The following SHISA9 variants were observed in gnomAD, a reference collection of about 807,000 sequenced individuals.
The protein encoded by SHISA9 is shisa family member 9, also known as protein shisa-9.
SHISA9 carries 13 observed loss-of-function variants against 38.0 expected under a neutral mutation model. The observed-to-expected ratio is 0.34, with a 90% CI of 0.22 to 0.54. SHISA9 has a LOEUF of 0.54. Ranked by LOEUF, SHISA9 falls within the 20% of genes least tolerant of loss-of-function variation. The pLI is 0.91. For synonymous variants in SHISA9, 275 were observed against 242.0 expected (o/e 1.14, Z -1.27); for missense variants, 538 against 575.8 (o/e 0.93, Z 0.67).
chr16:13,080,708 C>T (rs1596634535), intron 2 of SHISA9, among the ~76,000 whole-genome samples: 1 of 152,226 alleles, frequency 6.6e-6, no homozygotes, highest in Non-Finnish European at 1.5e-5. Context: ...TAATGCCCAA[C>T]TTTTGCTGGC....
At chr16:13,352,462 G>A in the SHISA9 span, among the ~76,000 whole-genome samples, 2 of 152,238 alleles carry the variant, frequency 1.3e-5, no homozygotes, top group African/African-American at 2.4e-5. Context: ...AGTGGTTGCC[G>A]TAGGGAGATG....
At chr16:13,068,841 T>A (rs568134454) in intron 2 of SHISA9, among the ~76,000 whole-genome samples, 1 of 151,590 alleles carries the variant, frequency 6.6e-6, no homozygotes, top group East Asian at 1.9e-4. Flanking sequence ...TATGCATGTA[T>A]GTGTATATAT....
intron 2 of SHISA9, among the ~76,000 whole-genome samples, chr16:12,939,968 A>G (rs745894286): frequency 3.3e-5 from 5 of 152,242 alleles, no homozygotes; most frequent in African/African-American, 4.8e-5. Flanking sequence ...TCCTGAGGCC[A>G]TATTTTCAGG....
At chr16:13,022,264 A>C (rs1224041048) in intron 2 of SHISA9, among the ~76,000 whole-genome samples, 1 of 150,460 alleles carries the variant, frequency 6.6e-6, no homozygotes, top group Non-Finnish European at 1.5e-5. Context: ...CCATCCTCTC[A>C]CCTCAGCCTC....
intron 2 of SHISA9, among the ~76,000 whole-genome samples, chr16:12,941,185 C>T (rs866446162): frequency 3.3e-5 from 5 of 152,010 alleles, no homozygotes; most frequent in African/African-American, 1.2e-4. Flanking sequence ...AATGCTGTCT[C>T]CACTAAAAAT....
chr16:13,391,916 G>T, the SHISA9 span, among the ~76,000 whole-genome samples: 1 of 152,172 alleles, frequency 6.6e-6, no homozygotes, highest in South Asian at 2.1e-4. Flanking sequence ...TTAATCAAAT[G>T]ATATTCTTCA....
chr16:13,168,588 G>T (rs1053007116), intron 2 of SHISA9, among the ~76,000 whole-genome samples: 13 of 152,238 alleles, frequency 8.5e-5, no homozygotes, highest in African/African-American at 3.1e-4. Context: ...AAAGGGAGAA[G>T]GGAGCCTGTT....
chr16:13,139,515 A>C (rs1475466812), intron 2 of SHISA9, among the ~76,000 whole-genome samples: 1 of 141,028 alleles, frequency 7.1e-6, no homozygotes, highest in Non-Finnish European at 1.5e-5. Flanking sequence ...CCCTTCCTTT[A>C]CTTTATCGGT....
the SHISA9 span, among the ~76,000 whole-genome samples, chr16:13,480,106 C>G: frequency 6.6e-6 from 1 of 152,200 alleles, no homozygotes; most frequent in Non-Finnish European, 1.5e-5. Flanking sequence ...CCTCTTCTCA[C>G]TCCTGCACCC....
intron 2 of SHISA9, among the ~76,000 whole-genome samples, chr16:13,091,679 T>A (rs2073776658): frequency 6.6e-6 from 1 of 152,206 alleles, no homozygotes; most frequent in Non-Finnish European, 1.5e-5. Context: ...TCTACACTGT[T>A]TATTCTAGTT....
intron 2 of SHISA9, among the ~76,000 whole-genome samples, chr16:13,072,255 C>T (rs1264678849): frequency 2.6e-5 from 4 of 152,136 alleles, no homozygotes; most frequent in African/African-American, 4.8e-5. Flanking sequence ...GTAAGCCTGC[C>T]GGATCAAAGT....
the SHISA9 span, among the ~76,000 whole-genome samples, chr16:13,530,736 A>G: frequency 2.0e-4 from 31 of 152,120 alleles, no homozygotes; most frequent in Non-Finnish European, 2.9e-5. Context: ...TCCTTCAGGC[A>G]GCACCATTCC....
At chr16:13,246,193 C>A in the SHISA9 span, 1 of 152,170 alleles carries the variant, frequency 6.6e-6, no homozygotes, top group Non-Finnish European at 1.5e-5. Context: ...TGGGAGGGAC[C>A]TGGGGGGAGG....
chr16:13,046,122 C>T (rs2073186063), intron 2 of SHISA9, among the ~76,000 whole-genome samples: 1 of 150,892 alleles, frequency 6.6e-6, no homozygotes, highest in Admixed American at 6.7e-5. Flanking sequence ...TACCCCACTC[C>T]CTGCCTCTCC....
chr16:13,454,430 T>C, the SHISA9 span, among the ~76,000 whole-genome samples: 2 of 152,194 alleles, frequency 1.3e-5, no homozygotes, highest in African/African-American at 4.8e-5. Flanking sequence ...CTTGTCAACG[T>C]ATTAAATATC....
chr16:13,307,441 C>T, the SHISA9 span, among the ~76,000 whole-genome samples: 484 of 152,260 alleles, frequency 3.2e-3, 1 homozygote, highest in African/African-American at 0.011. Flanking sequence ...AAAGGGGATA[C>T]GCTTTCTGTT....
At chr16:13,404,494 T>C in the SHISA9 span, among the ~76,000 whole-genome samples, 1 of 152,114 alleles carries the variant, frequency 6.6e-6, no homozygotes, top group Non-Finnish European at 1.5e-5. Context: ...CAGGCAGAGA[T>C]ACAGCACATG....
chr16:13,179,840 C>A (rs903280822), intron 2 of SHISA9, among the ~76,000 whole-genome samples: 2 of 152,202 alleles, frequency 1.3e-5, no homozygotes, highest in Non-Finnish European at 2.9e-5. Flanking sequence ...CCCTCTACTG[C>A]GTCTTCCTGG....
At chr16:12,926,996 G>A (rs1360869327) in intron 2 of SHISA9, among the ~76,000 whole-genome samples, 7 of 152,202 alleles carry the variant, frequency 4.6e-5, no homozygotes, top group Admixed American at 2.6e-4. Flanking sequence ...TGGGAGGACC[G>A]AAATTTCAGG....
Sources: allele counts gnomAD v4.1 joint callset (sites outside exome capture counted in the v4.1 genomes callset), GRCh38; gene constraint gnomAD v4.1.1; transcripts MANE v1.5; gene names NCBI Gene and HGNC (gene_info 2026-07-23, HGNC 2026-07-21).